Variants in CEP112 observed in about 807,000 individuals in gnomAD.
CEP112 encodes centrosomal protein of 112 kDa.
In CEP112, 127 loss-of-function variants were observed where a neutral mutation model predicts 153.0. The ratio of observed to expected loss-of-function variants is 0.83; its 90% confidence interval spans 0.72 to 0.96. The LOEUF is 0.96. Ranked by LOEUF, CEP112 falls within the 40% of genes least tolerant of loss-of-function variation. The pLI, the probability that CEP112 is intolerant of heterozygous loss-of-function variation, is 0.00. For synonymous variants in CEP112, 358 were observed against 374.4 expected, an observed-to-expected ratio of 0.96 and a Z score of 0.51; for missense variants, 1,089 against 1,101.2, an observed-to-expected ratio of 0.99 and a Z score of 0.16.
At chr17:65,986,876 C>T (rs2063428725) in intron 17 of CEP112, among the ~76,000 whole-genome samples, 4 of 152,040 alleles carry the variant, frequency 2.6e-5, no homozygotes, top group African/African-American at 9.7e-5. Flanking sequence ...ACAAGACAAT[C>T]CATACCCAAA....
chr17:65,880,760 A>G (rs1000712845), intron 20 of CEP112, among the ~76,000 whole-genome samples: 1 of 152,232 alleles, frequency 6.6e-6, no homozygotes. Context: ...GTATGGACAC[A>G]TGTGGCCAGT....
intron 21 of CEP112, among the ~76,000 whole-genome samples, chr17:65,848,044 C>A (rs2057791215): frequency 6.6e-6 from 1 of 152,184 alleles, no homozygotes; most frequent in Admixed American, 6.5e-5. Context: ...TGCACCACCT[C>A]ACAGATCACA....
At chr17:65,730,194 A>C (rs1191992126) in intron 23 of CEP112, among the ~76,000 whole-genome samples, 1 of 152,224 alleles carries the variant, frequency 6.6e-6, no homozygotes, top group Non-Finnish European at 1.5e-5. Flanking sequence ...ATCTTATTTG[A>C]CTAGTTTTAA....
chr17:65,851,138 A>G (rs899243278), intron 21 of CEP112, among the ~76,000 whole-genome samples: 7 of 152,244 alleles, frequency 4.6e-5, no homozygotes, highest in African/African-American at 1.7e-4. Flanking sequence ...TTCCCAAGAT[A>G]AAGACTGGTC....
At chr17:65,710,740 A>AC (rs1385444484) in intron 23 of CEP112, among the ~76,000 whole-genome samples, 1 of 152,216 alleles carries the variant, frequency 6.6e-6, no homozygotes, top group Non-Finnish European at 1.5e-5. Context: ...GCTGGATGTC[A>AC]CAGTGGGAGG....
intron 22 of CEP112, among the ~76,000 whole-genome samples, chr17:65,743,579 CATA>C (rs2051257961): frequency 6.6e-6 from 1 of 152,106 alleles, no homozygotes; most frequent in African/African-American, 2.4e-5. Context: ...TTCTGCTTTT[CATA>C]ATACTTTGAA....
chr17:65,927,367 C>T (rs2060965062), intron 19 of CEP112, among the ~76,000 whole-genome samples: 1 of 152,146 alleles, frequency 6.6e-6, no homozygotes, highest in African/African-American at 2.4e-5. Context: ...TTCAATCAAA[C>T]ATTCAGATAA....
intron 12 of CEP112, among the ~76,000 whole-genome samples, chr17:66,052,367 C>T (rs2066479070): frequency 1.3e-5 from 2 of 152,144 alleles, no homozygotes; most frequent in South Asian, 2.1e-4. Context: ...GCACTGAACA[C>T]GGACATGAGG....
At chr17:66,006,763 A>C (rs1326157859) in intron 16 of CEP112, among the ~76,000 whole-genome samples, 1 of 152,172 alleles carries the variant, frequency 6.6e-6, no homozygotes, top group African/African-American at 2.4e-5. Context: ...CTCTACATAC[A>C]TGGCAACTGA....
At chr17:65,851,660 C>A in intron 21 of CEP112, 144 bp downstream of exon 21, 1 of 626,744 alleles carries the variant, frequency 1.6e-6, no homozygotes, top group Non-Finnish European at 2.8e-6. Context: ...GAGCAAGATA[C>A]TTAAATTCCT....
chr17:66,049,460 T>C (rs1388677063), intron 12 of CEP112, among the ~76,000 whole-genome samples: 1 of 151,826 alleles, frequency 6.6e-6, no homozygotes, highest in Non-Finnish European at 1.5e-5. Flanking sequence ...TAATAAAGAG[T>C]CAAATGAGGC....
At chr17:66,134,090 T>C (rs756078574) in intron 4 of CEP112, among the ~76,000 whole-genome samples, 6 of 152,094 alleles carry the variant, frequency 3.9e-5, no homozygotes, top group African/African-American at 1.5e-4. Context: ...TAACCTGATA[T>C]GTCATACTAA....
At chr17:65,854,638 A>G (rs1425250051) in intron 20 of CEP112, among the ~76,000 whole-genome samples, 1 of 152,214 alleles carries the variant, frequency 6.6e-6, no homozygotes, top group East Asian at 1.9e-4. Flanking sequence ...ATGTGAGAGG[A>G]CTTTATATAA....
chr17:66,125,608 C>T (rs1375843690), intron 6 of CEP112, among the ~76,000 whole-genome samples: 1 of 151,862 alleles, frequency 6.6e-6, no homozygotes, highest in African/African-American at 2.4e-5. Flanking sequence ...GATAAGACAG[C>T]TGAAATTAGA....
intron 20 of CEP112, among the ~76,000 whole-genome samples, chr17:65,899,394 T>C (rs937854704): frequency 9.2e-5 from 14 of 152,096 alleles, no homozygotes; most frequent in African/African-American, 3.4e-4. Flanking sequence ...AAATATAATA[T>C]AGACAAAATA....
At chr17:65,650,502 C>CTCTG (rs1002465893) in intron 24 of CEP112, among the ~76,000 whole-genome samples, 24 of 152,102 alleles carry the variant, frequency 1.6e-4, no homozygotes, top group African/African-American at 5.3e-4. Context: ...TCCCAGCTGC[C>CTCTG]TCTGCTTGCT....
At chr17:65,760,069 T>C (rs1470593482) in intron 21 of CEP112, among the ~76,000 whole-genome samples, 2 of 152,198 alleles carry the variant, frequency 1.3e-5, no homozygotes, top group African/African-American at 2.4e-5. Context: ...CACTTATTCA[T>C]TGCTGGTATA....
chr17:65,870,014 T>TAAGAAAGAAAGA (rs754013580), intron 20 of CEP112, among the ~76,000 whole-genome samples: 951 of 44,640 alleles, frequency 0.021, 46 homozygotes, highest in Non-Finnish European at 0.025. Flanking sequence ...AGGTAGAGAA[T>TAAGAAAGAAAGA]AAGAAAGAAA....
chr17:65,640,955 A>C lies in CEP112; in HGVS notation c.2799+9T>G. 90 of 1,377,134 alleles carry C rather than the reference A, an allele frequency of 6.5e-5. No individual in the cohort carries two copies. Among genetic ancestry groups the C allele is most frequent in the Non-Finnish European group, 8.9e-5 (86 of 964,382 alleles). The allele number at this position is 1,377,134 out of a possible 1,614,324, so 85.3% of individuals were successfully genotyped here. ...AATCCTTGGAAAATGCCTTGATTCT[A>C]GTAATTACCTGTGATTTTAGGGAGG... On this transcript the variant is annotated intron_variant, in intron 25 of 26. Coordinates refer to ENST00000535342, the MANE Select transcript of CEP112 (RefSeq NM_001199165.4).
Sources: gnomAD v4.1 joint callset for allele counts (sites outside exome capture counted in the v4.1 genomes callset) on GRCh38, gnomAD v4.1.1 for gene constraint, MANE v1.5 for transcripts, NCBI Gene and HGNC (gene_info 2026-07-23, HGNC 2026-07-21) for gene names.